The following SEC31B variants were observed in gnomAD, a reference collection of about 807,000 sequenced individuals.
SEC31B encodes the protein protein transport protein Sec31B.
SEC31B carries 113 observed loss-of-function variants against 135.0 expected under a neutral mutation model. The ratio of observed to expected loss-of-function variants is 0.84; its 90% CI spans 0.72 to 0.98. SEC31B has a LOEUF of 0.98. Among genes scored for constraint, SEC31B ranks in the 50% least tolerant of loss-of-function variants. The pLI is 0.00. For synonymous variants in SEC31B, 508 were observed against 549.4 expected, an observed-to-expected ratio of 0.92 and a Z score of 1.05; for missense variants, 1,296 against 1,421.1, an observed-to-expected ratio of 0.91 and a Z score of 1.42.
chr10:100,497,378 G>A, intron 16 of SEC31B, 98 bp from the exon 17 acceptor site: 1 of 1,555,274 alleles, frequency 6.4e-7, no homozygotes, highest in Non-Finnish European at 8.7e-7. Flanking sequence ...CCTGGGACAA[G>A]TAGCTGCAGT....
chr10:100,498,765 C>T lies in SEC31B; in HGVS notation c.1624G>A (p.Ala542Thr). 1 of 1,613,936 alleles carries T rather than the reference C, an allele frequency of 6.2e-7. No individual in the cohort carries two copies. Among genetic ancestry groups the T allele is most frequent in the Admixed American group, 1.7e-5 (1 of 60,018 alleles). The change falls in exon 14 of 26, where the codon GCC becomes ACC. Residue 542 changes from alanine to threonine, a missense_variant. Transcript: ENST00000370345. ...TGAGGGACCAGCTCATCAAAGAAGG[C>T]TGAGGAAGCAGAGGCTTCCTTTGTG... ...HTTKEASASSAFFDELVPQNM... is the reference protein window; with the variant it reads ...HTTKEASASSTFFDELVPQNM...
chr10:100,489,295 A>G lies in SEC31B; in HGVS notation c.3128T>C (p.Val1043Ala). 6.2e-7 allele frequency: 1 copy of G among 1,613,112 alleles called. No homozygotes were observed. Among genetic ancestry groups the G allele is most frequent in the Non-Finnish European group, 8.5e-7 (1 of 1,179,700 alleles). The change falls in exon 23 of 26, where the codon GTG becomes GCG. Residue 1043 changes from valine (V) to alanine (A), a missense_variant. Transcript: ENST00000370345. ...ILPSQPPVSSVSHAPPGVPGE... is the reference protein window; with the variant it reads ...ILPSQPPVSSASHAPPGVPGE... ...TGGAACTCCTGGGGGAGCATGACTC[A>G]CACTGGAGACAGGGGGCTGTGAGGG...
intron 11 of SEC31B, chr10:100,500,263 G>A (rs1049979323): frequency 1.3e-5 from 6 of 451,222 alleles, no homozygotes; most frequent in East Asian, 7.0e-5. Flanking sequence ...ATATCCTTCC[G>A]AGGAGACTGC....
At chr10:100,492,215 C>T (rs186405779) in intron 19 of SEC31B, among the ~76,000 whole-genome samples, 4 of 152,126 alleles carry the variant, frequency 2.6e-5, no homozygotes, top group Non-Finnish European at 1.5e-5. Flanking sequence ...CAAGAACATT[C>T]ATGTTCACTA....
rs747121095 is a variant in SEC31B at position 100,488,938 on chromosome 10, C to G, written c.3208G>C (p.Glu1070Gln). 4.3e-6 allele frequency: 7 copies of G among 1,611,198 alleles called. No individual in the cohort carries two copies. The highest frequency in any genetic ancestry group is 1.7e-5 in the Admixed American group (1 of 59,210). ...AAGGACTGATGCTCTGGGGGCAGCT[C>G]CTTCCTTTCCATCTTCTCAGGTGGC... ...HLPPEKMERK[E>Q]LPPEHQSLKS... is the part of the protein sequence containing the mutation. The change falls in exon 24 of 26, where the codon GAG becomes CAG. Residue 1070 changes from glutamate (E) to glutamine (Q), a missense_variant. Physicochemically the swap from Glu to Gln is conservative, Grantham distance 29 (BLOSUM62 2). Coordinates refer to ENST00000370345, the MANE Select transcript of SEC31B (RefSeq NM_015490.4).
chr10:100,503,281 C>T (rs907447723), intron 10 of SEC31B, among the ~76,000 whole-genome samples: 2 of 152,174 alleles, frequency 1.3e-5, no homozygotes, highest in African/African-American at 4.8e-5. Context: ...CAGCAGTTCT[C>T]AACATTGGCT....
rs760949251 is a variant in SEC31B at position 100,506,401 on chromosome 10, ATGACAC to A, written c.796_801del (p.Val266_Ser267del). The A allele has an allele frequency of 2.5e-6, 4 of 1,614,156 alleles. No individual in the cohort carries two copies. In the South Asian group the frequency reaches 4.4e-5, roughly 18 times the overall value. ...AGCAGCTCAGCATCAGCCTGGCTCCATGACACTGACAAGATCCCCCTAAAAAGAGAA... is the reference window on the plus strand; with the variant it reads ...AGCAGCTCAGCATCAGCCTGGCTCCATGACAAGATCCCCCTAAAAAGAGAA... On this transcript the variant is annotated inframe_deletion, in exon 8 of 26. Transcript: ENST00000370345.
rs772598587 is a variant in SEC31B at position 100,489,370 on chromosome 10, G to C, written c.3053C>G (p.Pro1018Arg). Residue 1018 changes from proline (P) to arginine (R), a missense_variant, in exon 23 of 26, where the codon CCA becomes CGA. Physicochemically the swap from Pro to Arg is moderately radical, Grantham distance 103. Coordinates refer to ENST00000370345, the MANE Select transcript of SEC31B (RefSeq NM_015490.4). ...GAGGCTCATAACTGGAGCAGTAATT[G>C]GTGCTGGGGGCATAAATGTCTCTGG... ...KLPETFMPPA[P>R]ITAPVMSLTP... The C allele has an allele frequency of 6.2e-7, 1 of 1,613,760 alleles. No homozygotes were observed. The highest frequency in any genetic ancestry group is 1.3e-5 in the African/African-American group (1 of 74,902).
At chr10:100,516,333 T>A in intron 2 of SEC31B, 114 bp from the exon 3 acceptor site, 1 of 1,250,882 alleles carries the variant, frequency 8.0e-7, no homozygotes, top group Non-Finnish European at 1.1e-6. Flanking sequence ...ATACCCTTTC[T>A]CAAAGGTAAC....
At chr10:100,494,972 C>T (rs1367092309) in intron 19 of SEC31B, 4 of 233,944 alleles carry the variant, frequency 1.7e-5, no homozygotes, top group African/African-American at 7.0e-5. Context: ...ACTACAGGCA[C>T]GTGCCACCAT....
intron 2 of SEC31B, 37 bp downstream of exon 2, chr10:100,516,837 T>C (rs1347164618): frequency 6.8e-7 from 1 of 1,459,940 alleles, no homozygotes; most frequent in South Asian, 1.1e-5. Context: ...TCAACTTATG[T>C]ACTCCCAGTG....
chr10:100,515,315 T>C (rs1277637952), intron 3 of SEC31B, among the ~76,000 whole-genome samples: 3 of 152,128 alleles, frequency 2.0e-5, no homozygotes, highest in Non-Finnish European at 2.9e-5. Context: ...AACGGTATAG[T>C]AGTACATGTA....
rs1398847398 is a variant in SEC31B at position 100,506,383 on chromosome 10, C to T, written c.820G>A (p.Glu274Lys). The T allele has an allele frequency of 1.9e-6, 3 of 1,614,050 alleles. No individual in the cohort carries two copies. The highest frequency in any genetic ancestry group is 4.5e-5 in the East Asian group (2 of 44,892). ...TCCTTAGCACTAGTGAGCAGCAGCT[C>T]AGCATCAGCCTGGCTCCATGACACT... ...LSVSWSQADA[E>K]LLLTSAKDSQ... Residue 274 changes from glutamate (E) to lysine (K), a missense_variant, in exon 8 of 26, where the codon GAG becomes AAG. Coordinates refer to ENST00000370345, the MANE Select transcript of SEC31B (RefSeq NM_015490.4).
Position 100,488,332 on chromosome 10 carries a change from A to G in SEC31B, c.3289-234T>C, listed in dbSNP as rs184636267. ...AAATTAGCCGGGTATGGAGGTGGGC[A>G]CCTGTAGTCCCAGCTACTCGGGAGG... On this transcript the variant is annotated intron_variant, in intron 24 of 25. Transcript: ENST00000370345. Among the ~76,000 whole-genome samples the G allele has an allele frequency of 1.8e-3, 268 of 151,976 alleles. 3 individuals are homozygous for G. In the South Asian group the frequency reaches 0.037, roughly 21 times the overall value.
chr10:100,509,024 G>A lies in SEC31B; in HGVS notation c.478C>T (p.Leu160=), dbSNP rs1188932444. The A allele has an allele frequency of 6.2e-7, 1 of 1,613,998 alleles. No individual in the cohort carries two copies. The highest frequency in any genetic ancestry group is 8.5e-7 in the Non-Finnish European group (1 of 1,179,912). The change falls in exon 5 of 26, where the codon CTG becomes TTG. Residue 160 remains leucine (L), a synonymous_variant. Transcript: ENST00000370345. ...DLNNLNVPMT[L]GSKSQQPPED... is the part of the protein sequence containing the mutation. ...CTGCTCACCTGTGACTTGGATCCCA[G>A]GGTCATTGGCACATTCAAGTTATTC...
intron 19 of SEC31B, among the ~76,000 whole-genome samples, chr10:100,492,175 A>G (rs989243121): frequency 2.0e-5 from 3 of 152,204 alleles, no homozygotes; most frequent in Admixed American, 2.0e-4. Flanking sequence ...TGAAATATTG[A>G]ATGTTTTTCC....
At chr10:100,502,129 T>G (rs1851535292) in intron 11 of SEC31B, 125 bp downstream of exon 11, 14 of 729,478 alleles carry the variant, frequency 1.9e-5, no homozygotes, top group Non-Finnish European at 2.3e-6. Context: ...GGGGAAAAAC[T>G]AATGGGAGTT....
intron 11 of SEC31B, 69 bp downstream of exon 11, chr10:100,502,185 A>G: frequency 8.3e-7 from 1 of 1,200,510 alleles, no homozygotes. Context: ...CTTCTCCTGC[A>G]GTTGACAGAG....
rs116316932 is a variant in SEC31B, at chr10:100,518,961, G to A, written c.-46+821C>T. ...GGTCACAGCCATTTTAATGTTTCTG[G>A]GAAAAGATTCCCTAACAACAAAAAT... On this transcript the variant is annotated intron_variant, in intron 1 of 25. Coordinates refer to ENST00000370345, the MANE Select transcript of SEC31B (RefSeq NM_015490.4). 8.3e-3 allele frequency among the ~76,000 whole-genome samples: 1,259 copies of A among 152,172 alleles called. 27 individuals are homozygous for A. Among genetic ancestry groups the A allele is most frequent in the African/African-American group, 0.028 (1,179 of 41,500 alleles).
Sources: gnomAD v4.1 joint callset for allele counts (sites outside exome capture counted in the v4.1 genomes callset) on GRCh38, gnomAD v4.1.1 for gene constraint, MANE v1.5 for transcripts, NCBI Gene and HGNC (gene_info 2026-07-23, HGNC 2026-07-21) for gene names.